ADAMTS3: variants seen among roughly 807,000 people sequenced by gnomAD.
ADAMTS3 encodes ADAM metallopeptidase with thrombospondin type 1 motif 3.
In ADAMTS3, 73 loss-of-function variants were observed where a neutral mutation model predicts 129.0. The observed-to-expected ratio is 0.57, with a 90% CI of 0.47 to 0.69. The LOEUF is 0.69. ADAMTS3 is among the 30% of genes least tolerant of loss of function. The pLI is 0.00. For missense variants in ADAMTS3, 1,457 were observed against 1,514.5 expected, an observed-to-expected ratio of 0.96 and a Z score of 0.63; for synonymous variants, 477 against 510.8, an observed-to-expected ratio of 0.93 and a Z score of 0.89.
At chr4:72,440,122 C>G (rs368280877) in intron 3 of ADAMTS3, among the ~76,000 whole-genome samples, 1 of 151,630 alleles carries the variant, frequency 6.6e-6, no homozygotes, top group South Asian at 2.1e-4. Context: ...TTACTTGTTA[C>G]TGCCTAAAAA....
chr4:72,491,880 C>A (rs1719755205), intron 3 of ADAMTS3, among the ~76,000 whole-genome samples: 2 of 151,718 alleles, frequency 1.3e-5, no homozygotes, highest in Admixed American at 1.3e-4. Context: ...ACCTATGAAG[C>A]CATCAGGTTC....
intron 3 of ADAMTS3, among the ~76,000 whole-genome samples, chr4:72,520,739 T>C (rs892954989): frequency 6.6e-6 from 1 of 152,120 alleles, no homozygotes; most frequent in Non-Finnish European, 1.5e-5. Flanking sequence ...CCAGGTGCTA[T>C]CTGTCACCCC....
chr4:72,561,135 A>G (rs1357583522), intron 2 of ADAMTS3, among the ~76,000 whole-genome samples: 5 of 151,968 alleles, frequency 3.3e-5, no homozygotes, highest in African/African-American at 9.7e-5. Flanking sequence ...GGTGGATCAC[A>G]AGGTCAGGAG....
intron 14 of ADAMTS3, among the ~76,000 whole-genome samples, chr4:72,310,750 C>T (rs564469184): frequency 2.6e-5 from 4 of 151,816 alleles, no homozygotes; most frequent in Admixed American, 1.3e-4. Flanking sequence ...CTAAAATACC[C>T]GAAGCAAATG....
intron 3 of ADAMTS3, among the ~76,000 whole-genome samples, chr4:72,452,508 T>C (rs935848865): frequency 5.3e-5 from 8 of 151,794 alleles, no homozygotes; most frequent in Non-Finnish European, 1.0e-4. Flanking sequence ...GAAATGCCAT[T>C]GTCTGGTTGG....
chr4:72,405,816 GA>G (rs1327966384), intron 4 of ADAMTS3, among the ~76,000 whole-genome samples: 2 of 152,096 alleles, frequency 1.3e-5, no homozygotes, highest in Non-Finnish European at 2.9e-5. Context: ...AAGCATACAG[GA>G]TTAAAATACA....
At chr4:72,304,256 A>T (rs1290336895) in intron 16 of ADAMTS3, among the ~76,000 whole-genome samples, 176 bp from the exon 17 acceptor site, 1 of 152,170 alleles carries the variant, frequency 6.6e-6, no homozygotes, top group African/African-American at 2.4e-5. Context: ...TTAGGCATTC[A>T]AAACTCTCAA....
At chr4:72,475,005 C>A (rs866047271) in intron 3 of ADAMTS3, among the ~76,000 whole-genome samples, 1 of 146,910 alleles carries the variant, frequency 6.8e-6, no homozygotes. Context: ...CCAGCCTGGG[C>A]GACAGAGCGA....
chr4:72,408,073 T>C (rs1722095082), intron 4 of ADAMTS3, among the ~76,000 whole-genome samples: 1 of 152,176 alleles, frequency 6.6e-6, no homozygotes, highest in Non-Finnish European at 1.5e-5. Flanking sequence ...AAAGCAAGTA[T>C]TCAGCTCCTG....
chr4:72,295,574 A>C, intron 19 of ADAMTS3, 80 bp downstream of exon 19: 11 of 1,452,102 alleles, frequency 7.6e-6, no homozygotes, highest in Non-Finnish European at 1.0e-5. Context: ...GACTGAAAAT[A>C]AAATCAAAAC....
At chr4:72,386,802 T>C (rs1179234220) in intron 4 of ADAMTS3, among the ~76,000 whole-genome samples, 4 of 152,234 alleles carry the variant, frequency 2.6e-5, no homozygotes, top group Non-Finnish European at 5.9e-5. Flanking sequence ...AACTATTCCA[T>C]CAAAGATAAT....
chr4:72,533,658 T>G (rs745450905), intron 3 of ADAMTS3, among the ~76,000 whole-genome samples: 2 of 151,948 alleles, frequency 1.3e-5, no homozygotes, highest in South Asian at 2.1e-4. Context: ...TATATACATA[T>G]ATATGTATAT....
At chr4:72,492,731 T>C (rs1164971618) in intron 3 of ADAMTS3, among the ~76,000 whole-genome samples, 1 of 151,822 alleles carries the variant, frequency 6.6e-6, no homozygotes, top group East Asian at 1.9e-4. Flanking sequence ...AGCTCTCCAG[T>C]GTTGTTTGAG....
Position 72,548,964 on chromosome 4 carries a change from A to G in ADAMTS3, c.98-80T>C, listed in dbSNP as rs1335923067. On this transcript the variant is annotated intron_variant, in intron 2 of 21. Transcript: ENST00000286657. ...AACATAACACAGACAAAAGCTGCCCACCTCACAAGACCATACTTCAATGTG... is the reference window on the plus strand; with the variant it reads ...AACATAACACAGACAAAAGCTGCCCGCCTCACAAGACCATACTTCAATGTG... The G allele has an allele frequency of 2.4e-6, 3 of 1,274,284 alleles. No homozygotes were observed. The African/African-American group carries it at 4.5e-5, about 19-fold the overall frequency. The allele number at this position is 1,274,284 out of a possible 1,614,324, so 78.9% of individuals were successfully genotyped here.
chr4:72,495,233 C>T (rs755016758), intron 3 of ADAMTS3, among the ~76,000 whole-genome samples: 3 of 152,032 alleles, frequency 2.0e-5, no homozygotes, highest in East Asian at 1.9e-4. Flanking sequence ...GTAGTGACAC[C>T]GTTATCTAAG....
At chr4:72,412,678 A>T (rs973432590) in intron 4 of ADAMTS3, among the ~76,000 whole-genome samples, 1 of 152,080 alleles carries the variant, frequency 6.6e-6, no homozygotes. Flanking sequence ...AACGTTTATC[A>T]TGGAACATTT....
At chr4:72,308,901 A>T (rs1285059192) in intron 15 of ADAMTS3, among the ~76,000 whole-genome samples, 1 of 152,044 alleles carries the variant, frequency 6.6e-6, no homozygotes, top group Non-Finnish European at 1.5e-5. Flanking sequence ...ATTTTTAAAA[A>T]TTATGTGAAA....
intron 3 of ADAMTS3, among the ~76,000 whole-genome samples, chr4:72,495,063 A>G (rs1468571975): frequency 6.6e-6 from 1 of 152,182 alleles, no homozygotes; most frequent in Non-Finnish European, 1.5e-5. Flanking sequence ...AACCAGTGGC[A>G]GCAATGTCCG....
At chr4:72,554,114 T>C (rs1488538724) in intron 2 of ADAMTS3, among the ~76,000 whole-genome samples, 2 of 152,194 alleles carry the variant, frequency 1.3e-5, no homozygotes, top group Non-Finnish European at 2.9e-5. Context: ...TCCTTCTTCC[T>C]CCTTGTACTA....
Sources: gnomAD v4.1 joint callset for allele counts (sites outside exome capture counted in the v4.1 genomes callset) on GRCh38, gnomAD v4.1.1 for gene constraint, MANE v1.5 for transcripts, NCBI Gene and HGNC (gene_info 2026-07-23, HGNC 2026-07-21) for gene names.